Variants in GABRB2 observed in about 807,000 individuals in gnomAD.
GABRB2 encodes the protein gamma-aminobutyric acid type A receptor subunit beta2.
A neutral mutation model predicts 54.7 loss-of-function variants in GABRB2; 16 were observed. That is an observed-to-expected ratio of 0.29 (90% confidence interval 0.20 to 0.44). The LOEUF is 0.44. GABRB2 is among the 20% of genes least tolerant of loss of function. The pLI is 1.00. For missense variants in GABRB2, 355 were observed against 644.0 expected, an observed-to-expected ratio of 0.55 and a Z score of 4.86; for synonymous variants, 244 against 233.8, an observed-to-expected ratio of 1.04 and a Z score of -0.40.
intron 3 of GABRB2, among the ~76,000 whole-genome samples, chr5:161,487,878 C>G (rs1490407358): frequency 6.6e-6 from 1 of 151,800 alleles, no homozygotes; most frequent in East Asian, 1.9e-4. Flanking sequence ...CTTTTACTAC[C>G]CATGAGTTCG....
intron 4 of GABRB2, among the ~76,000 whole-genome samples, chr5:161,420,926 A>C (rs1317457063): frequency 1.3e-5 from 2 of 152,114 alleles, no homozygotes; most frequent in Non-Finnish European, 2.9e-5. Flanking sequence ...GGTTAAGGGA[A>C]TGAAAGTTCC....
In GABRB2 at chr5:161,326,488, G is replaced by A; in HGVS notation, c.1078-7C>T. 6.2e-7 allele frequency: 1 copy of A among 1,612,370 alleles called. No individual in the cohort carries two copies. Among genetic ancestry groups the A allele is most frequent in the Non-Finnish European group, 8.5e-7 (1 of 1,179,086 alleles). On this transcript the variant is annotated splice_polypyrimidine_tract_variant and splice_region_variant and intron_variant, in intron 8 of 9. Coordinates refer to ENST00000393959, the MANE Select transcript of GABRB2 (RefSeq NM_001371727.1). ...TAATATCTTTATAAAAAATCTGGAA[G>A]ACAAAGTAGAGAATGTGCTAATTAA...
At chr5:161,297,430 C>T (rs1757412823) in intron 9 of GABRB2, among the ~76,000 whole-genome samples, 1 of 152,146 alleles carries the variant, frequency 6.6e-6, no homozygotes, top group Admixed American at 6.6e-5. Flanking sequence ...TATCCCTCCC[C>T]TAGTCCCCCA....
intron 3 of GABRB2, among the ~76,000 whole-genome samples, chr5:161,488,597 C>T (rs1758998414): frequency 6.6e-6 from 1 of 151,708 alleles, no homozygotes; most frequent in Non-Finnish European, 1.5e-5. Context: ...AAAGAAATCT[C>T]CCAGTTATAA....
intron 9 of GABRB2, among the ~76,000 whole-genome samples, chr5:161,314,520 G>T (rs2113370036): frequency 6.6e-6 from 1 of 152,252 alleles, no homozygotes; most frequent in Admixed American, 6.5e-5. Context: ...GCCATAAAAA[G>T]TTCCTAATTT....
intron 3 of GABRB2, among the ~76,000 whole-genome samples, chr5:161,528,113 T>C (rs1581060523): frequency 6.6e-6 from 1 of 151,792 alleles, no homozygotes; most frequent in Non-Finnish European, 1.5e-5. Flanking sequence ...AAGGGAATTC[T>C]ATGCAACTGT....
At chr5:161,497,706 C>T (rs1759300981) in intron 3 of GABRB2, among the ~76,000 whole-genome samples, 1 of 152,148 alleles carries the variant, frequency 6.6e-6, no homozygotes, top group African/African-American at 2.4e-5. Context: ...CCCTTAGCTA[C>T]TTGTCCACTC....
intron 3 of GABRB2, among the ~76,000 whole-genome samples, chr5:161,509,224 T>C (rs1759693334): frequency 1.3e-5 from 2 of 152,030 alleles, no homozygotes; most frequent in Admixed American, 1.3e-4. Context: ...TTAAATATGA[T>C]TAGCTGAGTA....
chr5:161,454,054 A>G (rs903402419), intron 4 of GABRB2, among the ~76,000 whole-genome samples: 2 of 151,576 alleles, frequency 1.3e-5, no homozygotes, highest in Non-Finnish European at 2.9e-5. Context: ...AAAAAGCACT[A>G]TTCATAACTT....
Position 161,288,990 on chromosome 5 carries a change from G to A in GABRB2, c.*5091C>T, listed in dbSNP as rs1449255637. 1 of 152,120 alleles carries A rather than the reference G, an allele frequency of 6.6e-6. No individual in the cohort carries two copies. Among genetic ancestry groups the A allele is most frequent in the Non-Finnish European group, 1.5e-5 (1 of 68,014 alleles). The allele number at this position is 152,120 out of a possible 1,614,324, so 9.4% of individuals were successfully genotyped here. ...AACAAACTGATGGAACTGTCAACTT[G>A]CTTCAAATGGCGCAAGGACACACAC... is the stretch of plus-strand genomic sequence containing the variant. On this transcript the variant is annotated 3_prime_UTR_variant, in exon 10 of 10. Transcript: ENST00000393959.
At chr5:161,470,406 TTTAAA>T (rs1404750001) in intron 3 of GABRB2, among the ~76,000 whole-genome samples, 3 of 151,942 alleles carry the variant, frequency 2.0e-5, no homozygotes, top group African/African-American at 7.2e-5. Flanking sequence ...CCAAGATAAG[TTTAAA>T]TTATAAGTCT....
At chr5:161,448,716 A>C (rs554167409) in intron 4 of GABRB2, among the ~76,000 whole-genome samples, 1 of 152,346 alleles carries the variant, frequency 6.6e-6, no homozygotes, top group African/African-American at 2.4e-5. Flanking sequence ...TACAAACTAT[A>C]TTGCATGTAG....
At chr5:161,482,732 T>C (rs955350612) in intron 3 of GABRB2, among the ~76,000 whole-genome samples, 1 of 152,114 alleles carries the variant, frequency 6.6e-6, no homozygotes, top group Non-Finnish European at 1.5e-5. Context: ...CTATATATAA[T>C]GCAGAAGTTT....
intron 5 of GABRB2, among the ~76,000 whole-genome samples, chr5:161,352,759 T>C (rs1299814336): frequency 6.6e-6 from 1 of 152,078 alleles, no homozygotes; most frequent in Non-Finnish European, 1.5e-5. Flanking sequence ...AGATTGAGCT[T>C]GTCTATTCTA....
intron 5 of GABRB2, among the ~76,000 whole-genome samples, chr5:161,373,484 C>T (rs983292649): frequency 6.6e-6 from 1 of 152,152 alleles, no homozygotes; most frequent in East Asian, 1.9e-4. Flanking sequence ...AACCCACCTC[C>T]CACATATTGT....
At chr5:161,442,216 T>C (rs143481150) in intron 4 of GABRB2, among the ~76,000 whole-genome samples, 1,998 of 152,228 alleles carry the variant, frequency 0.013, 42 homozygotes, top group African/African-American at 0.045. Flanking sequence ...ATCCCATAAA[T>C]ACAAATACCT....
chr5:161,496,743 G>C (rs1412991556), intron 3 of GABRB2, among the ~76,000 whole-genome samples: 1 of 151,954 alleles, frequency 6.6e-6, no homozygotes, highest in African/African-American at 2.4e-5. Flanking sequence ...AGTTACTTCA[G>C]TTTTAGACAC....
At chr5:161,472,156 TTAA>T (rs1315392224) in intron 3 of GABRB2, among the ~76,000 whole-genome samples, 2 of 151,882 alleles carry the variant, frequency 1.3e-5, no homozygotes, top group African/African-American at 2.4e-5. Flanking sequence ...GTTATTATTA[TTAA>T]TGTTTGTTAT....
In GABRB2 at chr5:161,459,800, C is replaced by T. The variant is rs771570156; in HGVS notation, c.282G>A (p.Lys94=). 7 of 1,613,752 alleles carry T rather than the reference C, an allele frequency of 4.3e-6. No homozygotes were observed. The highest frequency in any genetic ancestry group is 2.2e-5 in the East Asian group (1 of 44,864). The stretch of plus-strand genomic sequence containing the variant: ...AAGGTATTACATTATAGGACAGCCT[C>T]TTATCTCTCCAGGCTTGTTGAAAGT... ...TMYFQQAWRD[K]RLSYNVIPLN... is the part of the protein sequence containing the mutation. Residue 94 remains lysine (K), a synonymous_variant, in exon 4 of 10, where the codon AAG becomes AAA. Transcript: ENST00000393959.
Sources: allele counts gnomAD v4.1 joint callset (sites outside exome capture counted in the v4.1 genomes callset), GRCh38; gene constraint gnomAD v4.1.1; transcripts MANE v1.5; gene names NCBI Gene and HGNC (gene_info 2026-07-23, HGNC 2026-07-21).